Variants in OTOP2 observed in about 807,000 individuals in gnomAD.
The protein encoded by OTOP2 is otopetrin 2.
A neutral mutation model predicts 47.4 loss-of-function variants in OTOP2; 41 were observed. That is an observed-to-expected ratio of 0.87 (90% CI 0.67 to 1.12). The LOEUF (loss-of-function observed/expected upper bound fraction) is 1.12. Ranked by LOEUF, OTOP2 falls within the 50% of genes most tolerant of loss-of-function variation. OTOP2 has a pLI of 0.00. For synonymous variants in OTOP2, 328 were observed against 319.6 expected (o/e 1.03, Z -0.28); for missense variants, 721 against 752.2 (o/e 0.96, Z 0.49).
intron 4 of OTOP2, 58 bp downstream of exon 4, chr17:74,927,339 G>A: frequency 4.5e-6 from 7 of 1,549,306 alleles, no homozygotes; most frequent in Non-Finnish European, 5.3e-6. Flanking sequence ...TTGCAGGAGA[G>A]ATTCAGGCTT....
chr17:74,927,249 A>T lies in OTOP2; in HGVS notation c.477A>T (p.Lys159Asn), dbSNP rs369052177. ...CCTACTTTCTCTGGGTCTCTGCTAA[A>T]GACTGCGTTCACGTCCACCTGGATC... ...IQTYFLWVSA[K>N]DCVHVHLDLT... The change falls in exon 4 of 7, where the codon AAA (lysine) becomes AAT (asparagine). Residue 159 changes from lysine (K) to asparagine (N), a missense_variant. Coordinates refer to ENST00000331427, the MANE Select transcript of OTOP2 (RefSeq NM_178160.3). 6.2e-6 allele frequency: 10 copies of T among 1,613,558 alleles called. No individual in the cohort carries two copies. The highest frequency in any genetic ancestry group is 1.7e-4 in the Middle Eastern group (1 of 6,024).
Position 74,933,322 on chromosome 17 carries a change from A to C in OTOP2, c.1519-53A>C. The C allele has an allele frequency of 6.4e-7, 1 of 1,553,060 alleles. No homozygotes were observed. The highest frequency in any genetic ancestry group is 8.8e-7 in the Non-Finnish European group (1 of 1,140,582). On this transcript the variant is annotated intron_variant, in intron 6 of 6. Transcript: ENST00000331427. The surrounding 1 kb of genome is among the most constrained non-coding windows in gnomAD (Gnocchi z 4.7). ...CGGCCCAGCAAAACCCACAGAAATG[A>C]CCCACAGGCATCCATCCAGGCCAGC...
Position 74,927,580 on chromosome 17 carries a change from A to G in OTOP2, c.510-85A>G, listed in dbSNP as rs1366688824. On this transcript the variant is annotated intron_variant, in intron 4 of 6. Coordinates refer to ENST00000331427, the MANE Select transcript of OTOP2 (RefSeq NM_178160.3). ...TCACACAGGGCCTGGCTGCTTTATCATTTCTCAACACCAGCTCTCAGTATT... is the reference window on the plus strand; with the variant it reads ...TCACACAGGGCCTGGCTGCTTTATCGTTTCTCAACACCAGCTCTCAGTATT... The G allele has an allele frequency of 9.2e-6, 14 of 1,523,890 alleles. No individual in the cohort carries two copies. In the African/African-American group the frequency reaches 1.8e-4, roughly 20 times the overall value. 94.4% of individuals were successfully genotyped at this position (1,523,890 alleles called of 1,614,324 possible). A position where few individuals can be genotyped will look rare whatever the true frequency, so the allele number is the denominator to read the frequency against.
At position 74,931,159 on chromosome 17, in the gene OTOP2, T is replaced by A. The variant is rs1218048189; in HGVS notation, c.1518+6T>A. The stretch of plus-strand genomic sequence containing the variant: ...TCCTACTCTGCAATGTCATTGTGAG[T>A]AGCTGGGGGGAGAAAGGGTGGGCTT... On this transcript the variant is annotated splice_donor_region_variant and intron_variant, in intron 6 of 6. Coordinates refer to ENST00000331427, the MANE Select transcript of OTOP2 (RefSeq NM_178160.3). 6.4e-7 allele frequency: 1 copy of A among 1,574,610 alleles called. No individual in the cohort carries two copies. Among genetic ancestry groups the A allele is most frequent in the Non-Finnish European group, 8.6e-7 (1 of 1,157,608 alleles).
rs1473202537 is a variant in OTOP2 at position 74,924,768 on chromosome 17, C to T, written c.136C>T (p.Leu46Phe). 2 of 1,610,340 alleles carry T rather than the reference C, an allele frequency of 1.2e-6. No individual in the cohort carries two copies. Among genetic ancestry groups the T allele is most frequent in the East Asian group, 4.5e-5 (2 of 44,744 alleles). The stretch of plus-strand genomic sequence containing the variant: ...GAACGTGCTGCTCCTCGCCTGCACG[C>T]TCATCAGCGGCGGAGCCTTCAACAA... ...AVNVLLLACT[L>F]ISGGAFNKVA... Residue 46 changes from leucine (L) to phenylalanine (F), a missense_variant, in exon 2 of 7, where the codon CTC becomes TTC. Leu to Phe is a conservative substitution (Grantham distance 22). Coordinates refer to ENST00000331427, the MANE Select transcript of OTOP2 (RefSeq NM_178160.3). This position sits in a 1 kb window ranked among gnomAD's most constrained non-coding sequence, Gnocchi z 7.7.
At chr17:74,928,011 G>A in intron 5 of OTOP2, 1 of 613,620 alleles carries the variant, frequency 1.6e-6, no homozygotes. Context: ...CCTTGAGGCT[G>A]CAGCCCAGGC....
chr17:74,930,305 G>T lies in OTOP2; in HGVS notation c.670G>T (p.Asp224Tyr). The T allele has an allele frequency of 6.2e-7, 1 of 1,613,620 alleles. No homozygotes were observed. Among genetic ancestry groups the T allele is most frequent in the Non-Finnish European group, 8.5e-7 (1 of 1,179,634 alleles). Residue 224 changes from aspartate to tyrosine, a missense_variant, in exon 6 of 7, where the codon GAC (aspartate) becomes TAC (tyrosine). Physicochemically the swap from Asp to Tyr is radical, Grantham distance 160 (BLOSUM62 -3). Coordinates refer to ENST00000331427, the MANE Select transcript of OTOP2 (RefSeq NM_178160.3). The surrounding 1 kb of genome is among the most constrained non-coding windows in gnomAD (Gnocchi z 4.0). ...GCATGCAGACAACCCGGTCGGAGGA[G>T]ACTCCTGCCTCTGCAGCACGGCCGT... Reference protein sequence around the residue: ...DQHADNPVGGDSCLCSTAVCQ... With the variant: ...DQHADNPVGGYSCLCSTAVCQ...
chr17:74,933,358 C>T lies in OTOP2; in HGVS notation c.1519-17C>T. The T allele has an allele frequency of 3.2e-6, 5 of 1,585,784 alleles. No individual in the cohort carries two copies. In the African/African-American group the frequency reaches 4.0e-5, roughly 13 times the overall value. ...TCCATCCAGGCCAGCTCCTGAAATG[C>T]TCCTCTCTCCACACAGCTGTGGATC... On this transcript the variant is annotated splice_polypyrimidine_tract_variant and intron_variant, in intron 6 of 6. Transcript: ENST00000331427. This position sits in a 1 kb window ranked among gnomAD's most constrained non-coding sequence, Gnocchi z 4.7.
In OTOP2 at chr17:74,924,893, C is replaced by T; in HGVS notation, c.261C>T (p.Cys87=). ...TCTACCTCCTCCGAACCGTGCGCTG[C>T]CCCTGCGCGGTACCCTACCGGGACG... ...ILFYLLRTVR[C]PCAVPYRDAH... Residue 87 remains cysteine, a synonymous_variant, in exon 2 of 7, where the codon TGC becomes TGT. Coordinates refer to ENST00000331427, the MANE Select transcript of OTOP2 (RefSeq NM_178160.3). This position sits in a 1 kb window ranked among gnomAD's most constrained non-coding sequence, Gnocchi z 7.7. 6.3e-7 allele frequency: 1 copy of T among 1,596,232 alleles called. No individual in the cohort carries two copies.
Position 74,933,658 on chromosome 17 carries a change from TG to T in OTOP2, c.*115del. 8.0e-7 allele frequency: 1 copy of T among 1,255,974 alleles called. No individual in the cohort carries two copies. The highest frequency in any genetic ancestry group is 2.4e-5 in the East Asian group (1 of 40,988). 77.8% of individuals were successfully genotyped at this position (1,255,974 alleles called of 1,614,324 possible). On this transcript the variant is annotated 3_prime_UTR_variant, in exon 7 of 7. Transcript: ENST00000331427. The surrounding 1 kb of genome is among the most constrained non-coding windows in gnomAD (Gnocchi z 4.7). Reference sequence around the variant, plus strand: ...TGCCATATGACAGCCCATTTCCTTCTGGTCCCAGAGTGGAATTTTCACAAAA... The same window carrying T: ...TGCCATATGACAGCCCATTTCCTTCTGTCCCAGAGTGGAATTTTCACAAAA...
chr17:74,928,073 T>C (rs2039025860), intron 5 of OTOP2: 1 of 423,232 alleles, frequency 2.4e-6, no homozygotes, highest in Admixed American at 4.1e-5. Flanking sequence ...CCAGGTGCAG[T>C]GGCTCATGCT....
chr17:74,924,895 C>G lies in OTOP2; in HGVS notation c.263C>G (p.Pro88Arg), dbSNP rs2038991453. 4.4e-6 allele frequency: 7 copies of G among 1,595,424 alleles called. No homozygotes were observed. Among genetic ancestry groups the G allele is most frequent in the Non-Finnish European group, 5.1e-6 (6 of 1,172,022 alleles). ...LFYLLRTVRCPCAVPYRDAHA... is the reference protein window; with the variant it reads ...LFYLLRTVRCRCAVPYRDAHA... ...TACCTCCTCCGAACCGTGCGCTGCC[C>G]CTGCGCGGTACCCTACCGGGACGCG... Residue 88 changes from proline (P) to arginine (R), a missense_variant, in exon 2 of 7, where the codon CCC (proline) becomes CGC (arginine). Transcript: ENST00000331427. This position sits in a 1 kb window ranked among gnomAD's most constrained non-coding sequence, Gnocchi z 7.7.
chr17:74,931,948 T>G (rs1233157368), intron 6 of OTOP2, among the ~76,000 whole-genome samples: 2 of 104,388 alleles, frequency 1.9e-5, no homozygotes, highest in Non-Finnish European at 3.8e-5. Flanking sequence ...AGAGTGACAC[T>G]CTGTCAAAAA....
rs202152813 is a variant in OTOP2, at chr17:74,930,926, G to A, written c.1291G>A (p.Gly431Arg). 6.0e-5 allele frequency: 97 copies of A among 1,613,818 alleles called. No homozygotes were observed. Among genetic ancestry groups the A allele is most frequent in the South Asian group, 4.5e-4 (41 of 91,050 alleles). Reference protein sequence around the residue: ...IIESLHRGPPGAEPHSTHPKE... With the variant: ...IIESLHRGPPRAEPHSTHPKE... The stretch of plus-strand genomic sequence containing the variant: ...CGAGAGCCTTCACCGAGGACCGCCC[G>A]GGGCTGAGCCTCACAGTACCCACCC... Residue 431 changes from glycine to arginine, a missense_variant, in exon 6 of 7, where the codon GGG becomes AGG. Gly to Arg is a moderately radical substitution (Grantham distance 125). Transcript: ENST00000331427. The surrounding 1 kb of genome is among the most constrained non-coding windows in gnomAD (Gnocchi z 4.0).
Position 74,933,567 on chromosome 17 carries a change from G to T in OTOP2, c.*22G>T, listed in dbSNP as rs79037104. ...CTGAGGCCTCCAACAGAGGCATGGG[G>T]GGCAGGAAGAGGGGGCTCAGCTCAT... On this transcript the variant is annotated 3_prime_UTR_variant, in exon 7 of 7. Coordinates refer to ENST00000331427, the MANE Select transcript of OTOP2 (RefSeq NM_178160.3). The surrounding 1 kb of genome is among the most constrained non-coding windows in gnomAD (Gnocchi z 4.7). The T allele has an allele frequency of 1.1e-3, 1,648 of 1,560,348 alleles. 33 individuals carry two copies. The East Asian group carries it at 0.029, about 28-fold the overall frequency.
Position 74,927,247 on chromosome 17 carries a change from A to T in OTOP2, c.475A>T (p.Lys159Ter), listed in dbSNP as rs1019057802. The T allele has an allele frequency of 6.2e-7, 1 of 1,613,442 alleles. No homozygotes were observed. Among genetic ancestry groups the T allele is most frequent in the African/African-American group, 1.3e-5 (1 of 74,910 alleles). Residue 159 changes from lysine (K) to a stop codon, truncating the protein, a stop_gained, in exon 4 of 7, where the codon AAA (lysine) becomes TAA (stop). Transcript: ENST00000331427. LOFTEE classifies it high-confidence loss of function. ...GACCTACTTTCTCTGGGTCTCTGCT[A>T]AAGACTGCGTTCACGTCCACCTGGA... ...IQTYFLWVSA[K>*]DCVHVHLDLT... is the part of the protein sequence containing the mutation.
intron 6 of OTOP2, 34 bp downstream of exon 6, chr17:74,931,187 G>A: frequency 1.3e-6 from 2 of 1,549,876 alleles, no homozygotes; most frequent in East Asian, 2.3e-5. Flanking sequence ...GTGGGCTTGG[G>A]AGAAGAGACT....
Position 74,930,175 on chromosome 17 carries a change from C to G in OTOP2, c.644-104C>G. 1 of 1,323,814 alleles carries G rather than the reference C, an allele frequency of 7.6e-7. No homozygotes were observed. The highest frequency in any genetic ancestry group is 1.5e-5 in the South Asian group (1 of 68,780). The allele number at this position is 1,323,814 out of a possible 1,614,324, so 82.0% of individuals were successfully genotyped here. A position where few individuals can be genotyped will look rare whatever the true frequency, so the allele number is the denominator to read the frequency against. On this transcript the variant is annotated intron_variant, in intron 5 of 6. Transcript: ENST00000331427. This position sits in a 1 kb window ranked among gnomAD's most constrained non-coding sequence, Gnocchi z 4.0. ...TCCAGCCTGAGCATCAAGAGTGAAA[C>G]TCCGTCTCAAAACAAAACAAAAAAA...
At chr17:74,932,345 A>G (rs1448580522) in intron 6 of OTOP2, among the ~76,000 whole-genome samples, 1 of 152,168 alleles carries the variant, frequency 6.6e-6, no homozygotes, top group Admixed American at 6.5e-5. Flanking sequence ...CATGAGGTAC[A>G]CCAGTGGCCC....
Sources: allele counts gnomAD v4.1 joint callset (sites outside exome capture counted in the v4.1 genomes callset), GRCh38; gene constraint gnomAD v4.1.1; non-coding constraint Gnocchi (gnomAD v3.1); transcripts MANE v1.5; gene names NCBI Gene and HGNC (gene_info 2026-07-23, HGNC 2026-07-21).